The following PAPPA variants were observed in gnomAD, a reference collection of about 807,000 sequenced individuals.
PAPPA encodes pappalysin 1.
In PAPPA, 60 loss-of-function variants were observed where a neutral mutation model predicts 164.0. The observed-to-expected ratio is 0.37, with a 90% confidence interval of 0.30 to 0.45. The LOEUF (loss-of-function observed/expected upper bound fraction) is 0.45, where lower values mean the gene tolerates loss of function less well. Among genes scored for constraint, PAPPA ranks in the 20% least tolerant of loss-of-function variants. PAPPA has a pLI of 1.00. For missense variants in PAPPA, 1,782 were observed against 2,087.3 expected, an observed-to-expected ratio of 0.85 and a Z score of 2.85; for synonymous variants, 875 against 814.1, an observed-to-expected ratio of 1.07 and a Z score of -1.27.
chr9:116,162,122 T>A (rs1843671149), intron 1 of PAPPA, among the ~76,000 whole-genome samples: 1 of 151,950 alleles, frequency 6.6e-6, no homozygotes, highest in African/African-American at 2.4e-5. Context: ...GGAATAAAAG[T>A]GATGAGGGGA....
intron 21 of PAPPA, among the ~76,000 whole-genome samples, chr9:116,384,822 T>A (rs1846784859): frequency 6.6e-6 from 1 of 152,186 alleles, no homozygotes; most frequent in Non-Finnish European, 1.5e-5. Context: ...GAATGGACGA[T>A]GAAGTTTGTA....
intron 1 of PAPPA, among the ~76,000 whole-genome samples, chr9:116,168,367 C>A (rs1222847769): frequency 6.6e-6 from 1 of 152,120 alleles, no homozygotes; most frequent in African/African-American, 2.4e-5. Flanking sequence ...TTGAGGAACT[C>A]CCAGTCCTAG....
intron 6 of PAPPA, among the ~76,000 whole-genome samples, chr9:116,230,462 C>CTA (rs1844576342): frequency 6.6e-6 from 1 of 152,136 alleles, no homozygotes; most frequent in Non-Finnish European, 1.5e-5. Context: ...GGTCTCAGCC[C>CTA]TACTATTGAT....
intron 4 of PAPPA, among the ~76,000 whole-genome samples, chr9:116,217,103 T>C (rs887879455): frequency 2.0e-5 from 3 of 152,180 alleles, no homozygotes; most frequent in Non-Finnish European, 2.9e-5. Flanking sequence ...CACCTACCCA[T>C]TTTTTCAAAC....
At chr9:116,329,080 G>A (rs1193354698) in intron 10 of PAPPA, among the ~76,000 whole-genome samples, 1 of 152,090 alleles carries the variant, frequency 6.6e-6, no homozygotes, top group African/African-American at 2.4e-5. Context: ...AGACCTCCTC[G>A]AAGCCAGAAC....
rs932909394 is a variant in PAPPA, at chr9:116,154,275, G to C, written c.103G>C (p.Gly35Arg). Residue 35 changes from glycine to arginine, a missense_variant, in exon 1 of 22, where the codon GGC (glycine) becomes CGC (arginine). By Grantham distance (125) the Gly-to-Arg change is moderately radical (BLOSUM62 -2). This residue lies in a region of PAPPA where 458 missense variants were observed against 430.3 expected (regional missense o/e 1.06). Transcript: ENST00000328252. The surrounding 1 kb of genome is among the most constrained non-coding windows in gnomAD (Gnocchi z 5.2). ...PRRARRDPRA[G>R]RPPRPAAGPA... ...CCGGGCCCGGAGAGACCCGCGGGCCGGCCGACCCCCGCGCCCCGCCGCCGG... is the reference window on the plus strand; with the variant it reads ...CCGGGCCCGGAGAGACCCGCGGGCCCGCCGACCCCCGCGCCCCGCCGCCGG... The C allele has an allele frequency of 1.3e-4, 140 of 1,055,012 alleles. No individual in the cohort carries two copies. Among genetic ancestry groups the C allele is most frequent in the Non-Finnish European group, 1.5e-4 (132 of 875,112 alleles). 65.4% of individuals were successfully genotyped at this position (1,055,012 alleles called of 1,614,324 possible).
intron 1 of PAPPA, among the ~76,000 whole-genome samples, chr9:116,174,248 T>C (rs1043828193): frequency 6.6e-6 from 1 of 152,182 alleles, no homozygotes; most frequent in Non-Finnish European, 1.5e-5. Context: ...GCACCAGCCC[T>C]GCAAAGTGGA....
At chr9:116,231,755 C>G (rs371174057) in intron 6 of PAPPA, among the ~76,000 whole-genome samples, 1 of 70,982 alleles carries the variant, frequency 1.4e-5, no homozygotes, top group East Asian at 5.0e-4. Flanking sequence ...TTTTTCTTTT[C>G]TTTTCTTTTT....
chr9:116,323,569 GA>G (rs201755521), intron 10 of PAPPA, among the ~76,000 whole-genome samples: 1 of 151,656 alleles, frequency 6.6e-6, no homozygotes, highest in African/African-American at 2.4e-5. Flanking sequence ...GAGAGAGAGA[GA>G]AAAAAAACAC....
chr9:116,156,334 G>GTATA (rs374567663), intron 1 of PAPPA, among the ~76,000 whole-genome samples: 26,563 of 139,366 alleles, frequency 0.19, 2,913 homozygotes, highest in Non-Finnish European at 0.25. Context: ...ATATATATGT[G>GTATA]TATATATATA....
intron 17 of PAPPA, among the ~76,000 whole-genome samples, chr9:116,360,799 AC>A (rs1458753023): frequency 6.6e-6 from 1 of 152,000 alleles, no homozygotes; most frequent in East Asian, 1.9e-4. Flanking sequence ...ATTGTGGAAA[AC>A]CCTGAGGATA....
chr9:116,244,670 G>A (rs1283546999), intron 7 of PAPPA, among the ~76,000 whole-genome samples: 2 of 152,130 alleles, frequency 1.3e-5, no homozygotes, highest in African/African-American at 4.8e-5. Flanking sequence ...AATAACAGAT[G>A]TTGGTAAGGG....
chr9:116,193,916 A>G (rs1177700175), intron 2 of PAPPA, among the ~76,000 whole-genome samples: 1 of 152,240 alleles, frequency 6.6e-6, no homozygotes, highest in Non-Finnish European at 1.5e-5. Context: ...GAAGTTAGGA[A>G]AGGTTTAATG....
intron 6 of PAPPA, among the ~76,000 whole-genome samples, chr9:116,229,745 T>C (rs1398142768): frequency 6.6e-6 from 1 of 152,178 alleles, no homozygotes; most frequent in Non-Finnish European, 1.5e-5. Context: ...CAAGAGGATT[T>C]GGTTGCTAGA....
chr9:116,186,268 A>G (rs927461055), intron 1 of PAPPA, among the ~76,000 whole-genome samples: 7 of 102,540 alleles, frequency 6.8e-5, no homozygotes, highest in Admixed American at 1.9e-4. Flanking sequence ...ATAGATATAT[A>G]GATATAGATA....
chr9:116,319,188 G>A (rs539208734), intron 10 of PAPPA, among the ~76,000 whole-genome samples: 7 of 152,318 alleles, frequency 4.6e-5, no homozygotes, highest in East Asian at 3.9e-4. Flanking sequence ...GCAGGCCTGC[G>A]GAGGGCCCGT....
intron 3 of PAPPA, among the ~76,000 whole-genome samples, chr9:116,210,655 G>C (rs142049082): frequency 6.6e-5 from 10 of 152,272 alleles, no homozygotes; most frequent in East Asian, 1.9e-4. Flanking sequence ...GCTGAGATCT[G>C]TTCTGTCTAT....
chr9:116,342,027 G>A (rs548201792), intron 13 of PAPPA, among the ~76,000 whole-genome samples: 10 of 152,126 alleles, frequency 6.6e-5, no homozygotes, highest in Non-Finnish European at 1.0e-4. Context: ...AAATAATTGG[G>A]GAGGGCACTA....
intron 10 of PAPPA, among the ~76,000 whole-genome samples, chr9:116,317,043 T>G (rs1263951863): frequency 6.6e-6 from 1 of 152,064 alleles, no homozygotes; most frequent in Admixed American, 6.6e-5. Flanking sequence ...TACTTCAATT[T>G]CAACACAATC....
Sources: gnomAD v4.1 joint callset for allele counts (sites outside exome capture counted in the v4.1 genomes callset) on GRCh38, gnomAD v4.1.1 for gene constraint, gnomAD v4.1.1 regional missense constraint, Gnocchi (gnomAD v3.1) non-coding constraint, MANE v1.5 for transcripts, NCBI Gene and HGNC (gene_info 2026-07-23, HGNC 2026-07-21) for gene names.